Variants in HPSE2 observed in about 807,000 individuals in gnomAD.
HPSE2 encodes the protein inactive heparanase-2.
Under a neutral mutation model 60.5 loss-of-function variants are expected in HPSE2, and 38 were observed. The observed-to-expected ratio is 0.63, with a 90% confidence interval of 0.48 to 0.82. The LOEUF (loss-of-function observed/expected upper bound fraction) is 0.82, where lower values mean the gene tolerates loss of function less well. HPSE2 is among the 40% of genes least tolerant of loss of function. The pLI, the probability that HPSE2 is intolerant of heterozygous loss-of-function variation, is 0.00. For missense variants in HPSE2, 713 were observed against 740.4 expected (o/e 0.96, Z 0.43); for synonymous variants, 295 against 293.2 (o/e 1.01, Z -0.06).
At chr10:98,885,665 C>T (rs1032775554) in intron 3 of HPSE2, among the ~76,000 whole-genome samples, 12 of 152,058 alleles carry the variant, frequency 7.9e-5, no homozygotes, top group African/African-American at 2.9e-4. Flanking sequence ...AGGTGATTGT[C>T]AGCATTTTTT....
At chr10:99,234,618 A>G (rs1323151287) in intron 1 of HPSE2, among the ~76,000 whole-genome samples, 2 of 152,204 alleles carry the variant, frequency 1.3e-5, no homozygotes, top group African/African-American at 4.8e-5. Context: ...CCAAACTGCA[A>G]CAACCCGGGA....
intron 3 of HPSE2, among the ~76,000 whole-genome samples, chr10:98,903,642 C>T (rs1194276980): frequency 2.6e-5 from 4 of 151,988 alleles, no homozygotes; most frequent in South Asian, 2.1e-4. Context: ...TTATATTTTA[C>T]TTTTGTTCTT....
intron 3 of HPSE2, among the ~76,000 whole-genome samples, chr10:98,830,567 G>A (rs1951661200): frequency 6.6e-6 from 1 of 152,170 alleles, no homozygotes; most frequent in Non-Finnish European, 1.5e-5. Context: ...CAAAAATTAT[G>A]CTTGATAGCT....
chr10:98,939,466 A>G lies in HPSE2; in HGVS notation c.611-195410T>C, dbSNP rs1954920457. Reference sequence around the variant, plus strand: ...TCATAAAACAGACTTTAAACCAAAAAGATCAAAAGAGACAAAGAAGGCCAT... The same window carrying G: ...TCATAAAACAGACTTTAAACCAAAAGGATCAAAAGAGACAAAGAAGGCCAT... On this transcript the variant is annotated intron_variant, in intron 3 of 11. Transcript: ENST00000370552. Among the ~76,000 whole-genome samples, 2 of 143,646 alleles carry G rather than the reference A, an allele frequency of 1.4e-5. 1 individual carries two copies. The highest frequency in any genetic ancestry group is 5.7e-5 in the African/African-American group (2 of 35,090). 94.2% of individuals were successfully genotyped at this position (143,646 alleles called of 152,430 possible).
chr10:98,539,137 G>T lies in HPSE2; in HGVS notation c.1321-48941C>A, dbSNP rs374881170. On this transcript the variant is annotated intron_variant, in intron 9 of 11. Transcript: ENST00000370552. ...GTAAAGAGGTTGCAATCAGTTTTTGGTCCTCTCTTGTCAAACCATTTTATC... is the reference window on the plus strand; with the variant it reads ...GTAAAGAGGTTGCAATCAGTTTTTGTTCCTCTCTTGTCAAACCATTTTATC... 9.9e-5 allele frequency among the ~76,000 whole-genome samples: 15 copies of T among 152,270 alleles called. 1 individual carries two copies. In the East Asian group the frequency reaches 2.9e-3, roughly 29 times the overall value.
intron 3 of HPSE2, among the ~76,000 whole-genome samples, chr10:98,943,194 C>G (rs550407181): frequency 1.3e-5 from 2 of 150,900 alleles, no homozygotes; most frequent in Non-Finnish European, 2.9e-5. Context: ...AACTAACGTG[C>G]ACATTGTGCA....
chr10:99,297,701 G>A, the HPSE2 span, among the ~76,000 whole-genome samples: 5 of 152,194 alleles, frequency 3.3e-5, no homozygotes, highest in South Asian at 4.2e-4. Flanking sequence ...GAGTCATGTC[G>A]TTCTGTGACC....
At chr10:99,244,210 G>C in the HPSE2 span, among the ~76,000 whole-genome samples, 1 of 151,420 alleles carries the variant, frequency 6.6e-6, no homozygotes, top group African/African-American at 2.4e-5. Context: ...GTAGAGAGAG[G>C]GTTTCACCAT....
At position 98,479,400 on chromosome 10, in the gene HPSE2, G is replaced by T. The variant is rs1255354118; in HGVS notation, c.1613+3236C>A. 3.3e-5 allele frequency among the ~76,000 whole-genome samples: 5 copies of T among 152,302 alleles called. No individual in the cohort carries two copies. The East Asian group carries it at 7.7e-4, about 24-fold the overall frequency. ...CCCAGAGGCTTATAAAAGAGAGAAA[G>T]AGACACCAAAGGCTGAAATCACTTC... On this transcript the variant is annotated intron_variant, in intron 11 of 11. Transcript: ENST00000370552.
intron 3 of HPSE2, chr10:99,013,194 T>A (rs2135405754): frequency 3.0e-6 from 2 of 670,180 alleles, no homozygotes. Flanking sequence ...CCACTGGTGA[T>A]CTTTAATAGA....
At chr10:98,703,321 C>A (rs1449278691) in intron 5 of HPSE2, among the ~76,000 whole-genome samples, 1 of 152,042 alleles carries the variant, frequency 6.6e-6, no homozygotes, top group Non-Finnish European at 1.5e-5. Flanking sequence ...GGTCTAGGAC[C>A]AGACAGATCA....
intron 3 of HPSE2, among the ~76,000 whole-genome samples, chr10:98,752,159 T>C (rs930665437): frequency 6.6e-6 from 1 of 152,144 alleles, no homozygotes; most frequent in Admixed American, 6.5e-5. Flanking sequence ...AAAGGAATTT[T>C]CAGGCTCTGA....
At chr10:98,986,439 A>C (rs562117404) in intron 3 of HPSE2, among the ~76,000 whole-genome samples, 121 of 151,482 alleles carry the variant, frequency 8.0e-4, no homozygotes, top group Admixed American at 7.0e-3. Context: ...GTTCTTTGAA[A>C]CCAACGAGAA....
At chr10:98,895,772 C>T (rs989062479) in intron 3 of HPSE2, among the ~76,000 whole-genome samples, 1 of 150,982 alleles carries the variant, frequency 6.6e-6, no homozygotes, top group Non-Finnish European at 1.5e-5. Context: ...ATGATGAGTT[C>T]ATGTCCTTTG....
chr10:98,956,733 A>G (rs901821488), intron 3 of HPSE2, among the ~76,000 whole-genome samples: 2 of 152,158 alleles, frequency 1.3e-5, no homozygotes, highest in Non-Finnish European at 2.9e-5. Context: ...ACTTAGTCAC[A>G]GGGCCACACT....
intron 3 of HPSE2, chr10:99,013,622 C>A (rs996291031): frequency 9.3e-6 from 2 of 214,790 alleles, no homozygotes; most frequent in Non-Finnish European, 1.9e-5. Flanking sequence ...CAGGTGCGTG[C>A]CACCATGCCC....
chr10:99,079,291 A>G (rs1843051840), intron 3 of HPSE2, among the ~76,000 whole-genome samples: 1 of 151,970 alleles, frequency 6.6e-6, no homozygotes, highest in South Asian at 2.1e-4. Context: ...GAACTAGGGT[A>G]TATTCATCTG....
At chr10:98,926,454 T>A (rs987077291) in intron 3 of HPSE2, among the ~76,000 whole-genome samples, 1 of 152,154 alleles carries the variant, frequency 6.6e-6, no homozygotes, top group Admixed American at 6.6e-5. Context: ...TAATTTAGTC[T>A]CCTTCATGAT....
intron 4 of HPSE2, among the ~76,000 whole-genome samples, chr10:98,727,628 C>G (rs535344906): frequency 6.6e-6 from 1 of 151,668 alleles, no homozygotes; most frequent in Non-Finnish European, 1.5e-5. Flanking sequence ...TGCACTCCAG[C>G]CTAGGTGACA....
Sources: allele counts gnomAD v4.1 joint callset (sites outside exome capture counted in the v4.1 genomes callset), GRCh38; gene constraint gnomAD v4.1.1; transcripts MANE v1.5; gene names NCBI Gene and HGNC (gene_info 2026-07-23, HGNC 2026-07-21).